FANCI: variants seen among roughly 807,000 people sequenced by gnomAD.
FANCI encodes Fanconi anemia group I protein.
Under a neutral mutation model 176.1 loss-of-function variants are expected in FANCI, and 156 were observed. The ratio of observed to expected loss-of-function variants is 0.89; its 90% CI spans 0.78 to 1.01. FANCI has a LOEUF of 1.01. FANCI is among the 50% of genes least tolerant of loss of function. The pLI, the probability that FANCI is intolerant of heterozygous loss-of-function variation, is 0.00. For missense variants in FANCI, 1,678 were observed against 1,534.1 expected (o/e 1.09, Z -1.57); for synonymous variants, 613 against 541.7 (o/e 1.13, Z -1.83).
intron 18 of FANCI, among the ~76,000 whole-genome samples, chr15:89,289,200 CAA>C (rs2053957091): frequency 6.6e-6 from 1 of 152,150 alleles, no homozygotes; most frequent in East Asian, 1.9e-4. Flanking sequence ...TGTGCCAAGA[CAA>C]AGTGTCTTTT....
At chr15:89,289,058 C>A (rs956914250) in intron 18 of FANCI, among the ~76,000 whole-genome samples, 2 of 150,826 alleles carry the variant, frequency 1.3e-5, no homozygotes, top group African/African-American at 4.9e-5. Context: ...CTACTTAATT[C>A]ATCCTGAATT....
rs1211854427 is a variant in FANCI at position 89,245,517 on chromosome 15, AT to A, written c.-20+1485del. Among the ~76,000 whole-genome samples, 5 of 151,530 alleles carry A rather than the reference AT, an allele frequency of 3.3e-5. 1 individual carries two copies. Among genetic ancestry groups the A allele is most frequent in the Admixed American group, 3.3e-4 (5 of 15,214 alleles). Reference sequence around the variant, plus strand: ...TGGCCTAGACTGAGCTTTTGAGGAGATGTGGATTGAGCTAAGATCTGAAGGA... The same window carrying A: ...TGGCCTAGACTGAGCTTTTGAGGAGAGTGGATTGAGCTAAGATCTGAAGGA... On this transcript the variant is annotated intron_variant, in intron 1 of 37. Transcript: ENST00000310775.
chr15:89,281,435 T>A, intron 15 of FANCI, 135 bp downstream of exon 15: 1 of 1,124,152 alleles, frequency 8.9e-7, no homozygotes, highest in Non-Finnish European at 1.3e-6. Context: ...AAATTTGCAT[T>A]AAAAGGGCAA....
chr15:89,260,386 C>T (rs369738482), intron 3 of FANCI, among the ~76,000 whole-genome samples: 77 of 152,202 alleles, frequency 5.1e-4, no homozygotes, highest in African/African-American at 1.8e-3. Context: ...TTTTAAAGAA[C>T]GATTGCAGAA....
At chr15:89,304,311 G>T (rs2054632654) in intron 28 of FANCI, among the ~76,000 whole-genome samples, 1 of 152,158 alleles carries the variant, frequency 6.6e-6, no homozygotes, top group Non-Finnish European at 1.5e-5. Context: ...TCACACAGTG[G>T]AATCCTATAC....
chr15:89,307,399 A>G, intron 32 of FANCI, 77 bp from the exon 33 acceptor site: 1 of 1,390,690 alleles, frequency 7.2e-7, no homozygotes, highest in South Asian at 1.2e-5. Context: ...GATGAGTCAC[A>G]CTCCATAGGC....
At chr15:89,302,158 A>G (rs1233777168) in intron 27 of FANCI, among the ~76,000 whole-genome samples, 3 of 152,186 alleles carry the variant, frequency 2.0e-5, no homozygotes, top group Non-Finnish European at 4.4e-5. Context: ...GAGAAAGACA[A>G]TGAAGCCCTG....
At chr15:89,313,131 C>T (rs1192513890) in intron 35 of FANCI, among the ~76,000 whole-genome samples, 159 bp downstream of exon 35, 2 of 148,548 alleles carry the variant, frequency 1.3e-5, no homozygotes, top group African/African-American at 2.5e-5. Context: ...TTAGTGGTAG[C>T]GTAGAGCTAG....
At chr15:89,279,755 A>C (rs556063708) in intron 14 of FANCI, among the ~76,000 whole-genome samples, 13 of 152,144 alleles carry the variant, frequency 8.5e-5, no homozygotes, top group Admixed American at 2.6e-4. Flanking sequence ...TTATTTTCTC[A>C]AACACAAGTT....
At chr15:89,253,083 A>G (rs988402289) in intron 2 of FANCI, among the ~76,000 whole-genome samples, 4 of 152,208 alleles carry the variant, frequency 2.6e-5, no homozygotes, top group African/African-American at 9.7e-5. Flanking sequence ...CAGTACTGGT[A>G]CATGAGTAGA....
chr15:89,289,376 C>G (rs765692803), intron 18 of FANCI, among the ~76,000 whole-genome samples: 5 of 152,106 alleles, frequency 3.3e-5, no homozygotes, highest in Non-Finnish European at 5.9e-5. Flanking sequence ...CGGGTCTCAG[C>G]TCACCACAAC....
intron 14 of FANCI, among the ~76,000 whole-genome samples, chr15:89,279,986 A>G (rs771800849): frequency 1.3e-5 from 2 of 152,114 alleles, no homozygotes; most frequent in African/African-American, 2.4e-5. Flanking sequence ...TGACTACAGA[A>G]TCATCAATAT....
intron 24 of FANCI, among the ~76,000 whole-genome samples, chr15:89,298,795 AGAT>A (rs765533069): frequency 1.8e-4 from 28 of 152,360 alleles, no homozygotes; most frequent in Non-Finnish European, 3.7e-4. Flanking sequence ...GCTAAAAAAT[AGAT>A]AATAGAATAT....
At chr15:89,253,328 GA>G (rs59537923) in intron 2 of FANCI, among the ~76,000 whole-genome samples, 5,338 of 152,098 alleles carry the variant, frequency 0.035, 306 homozygotes, top group African/African-American at 0.12. Context: ...AAATGAATCA[GA>G]AATTTAAATG....
intron 2 of FANCI, among the ~76,000 whole-genome samples, chr15:89,252,009 A>G (rs941030414): frequency 2.0e-5 from 3 of 152,176 alleles, no homozygotes; most frequent in Non-Finnish European, 4.4e-5. Flanking sequence ...ATAATAATGG[A>G]AAAATAAAGG....
At position 89,253,182 on chromosome 15, in the gene FANCI, C is replaced by G. The variant is rs545714504; in HGVS notation, c.84+5451C>G. On this transcript the variant is annotated intron_variant, in intron 2 of 37. Coordinates refer to ENST00000310775, the MANE Select transcript of FANCI (RefSeq NM_001113378.2). ...AAATAGACCCAACTACAAGTAAAAT[C>G]TAGTATATAATAAAATTACATCTTA... is the stretch of plus-strand genomic sequence containing the variant. Among the ~76,000 whole-genome samples the G allele has an allele frequency of 5.3e-5, 8 of 151,996 alleles. No individual in the cohort carries two copies. In the South Asian group the frequency reaches 1.0e-3, roughly 20 times the overall value.
intron 34 of FANCI, among the ~76,000 whole-genome samples, chr15:89,308,526 C>A (rs944994491): frequency 2.6e-5 from 4 of 152,310 alleles, no homozygotes; most frequent in Middle Eastern, 3.4e-3. Context: ...AGCAATGGAT[C>A]GTGACCACTT....
At chr15:89,245,749 A>G (rs1343771390) in intron 1 of FANCI, 3 of 152,224 alleles carry the variant, frequency 2.0e-5, no homozygotes, top group Non-Finnish European at 4.4e-5. Context: ...TTTTATCCTT[A>G]CTTAAGGGTT....
chr15:89,263,835 C>T, intron 7 of FANCI, 68 bp from the exon 8 acceptor site: 1 of 1,589,804 alleles, frequency 6.3e-7, no homozygotes, highest in Non-Finnish European at 8.6e-7. Context: ...CTGTAAAGCC[C>T]TGAATTGAAT....
Sources: allele counts gnomAD v4.1 joint callset (sites outside exome capture counted in the v4.1 genomes callset), GRCh38; gene constraint gnomAD v4.1.1; transcripts MANE v1.5; gene names NCBI Gene and HGNC (gene_info 2026-07-23, HGNC 2026-07-21).